Variants in LAMA2 observed in about 807,000 individuals in gnomAD.
The protein encoded by LAMA2 is laminin subunit alpha 2, also known as laminin subunit alpha-2.
LAMA2 carries 269 observed loss-of-function variants against 364.8 expected under a neutral mutation model. The ratio of observed to expected loss-of-function variants is 0.74; its 90% confidence interval spans 0.67 to 0.82. LAMA2 has a LOEUF of 0.82. Ranked by LOEUF, LAMA2 falls within the 40% of genes least tolerant of loss-of-function variation. The pLI, the probability that LAMA2 is intolerant of heterozygous loss-of-function variation, is 0.00. For synonymous variants in LAMA2, 1,379 were observed against 1,370.6 expected, an observed-to-expected ratio of 1.01 and a Z score of -0.14; for missense variants, 3,807 against 3,873.2, an observed-to-expected ratio of 0.98 and a Z score of 0.45.
intron 33 of LAMA2, 48 bp downstream of exon 33, chr6:129,366,409 G>C (rs1465313404): frequency 3.1e-6 from 5 of 1,604,850 alleles, no homozygotes; most frequent in Non-Finnish European, 4.3e-6. Flanking sequence ...GGTGACAGAA[G>C]CTTCACAAGC....
intron 34 of LAMA2, among the ~76,000 whole-genome samples, chr6:129,379,926 C>T (rs930761939): frequency 1.3e-5 from 2 of 152,134 alleles, no homozygotes; most frequent in Non-Finnish European, 2.9e-5. Flanking sequence ...GTTTGATTGT[C>T]ATTGTATCCA....
intron 13 of LAMA2, among the ~76,000 whole-genome samples, chr6:129,251,002 TTCTG>T (rs1562378813): frequency 8.1e-6 from 1 of 123,378 alleles, no homozygotes; most frequent in African/African-American, 3.1e-5. Flanking sequence ...CTCTCTCTCT[TTCTG>T]TCTCTCTCTT....
chr6:129,364,322 G>A (rs1250746450), intron 32 of LAMA2, among the ~76,000 whole-genome samples: 1 of 152,028 alleles, frequency 6.6e-6, no homozygotes, highest in African/African-American at 2.4e-5. Context: ...AGACCTAATT[G>A]AATTCTTGCC....
intron 4 of LAMA2, among the ~76,000 whole-genome samples, chr6:129,141,919 C>A (rs573566899): frequency 1.4e-3 from 209 of 152,072 alleles, no homozygotes; most frequent in African/African-American, 4.8e-3. Flanking sequence ...TCAAAATCTA[C>A]CACTCAATTT....
At position 129,456,405 on chromosome 6, in the gene LAMA2, C is replaced by A. The variant is rs1450811716; in HGVS notation, c.6778C>A (p.His2260Asn). 3.1e-6 allele frequency: 5 copies of A among 1,613,294 alleles called. No homozygotes were observed. The highest frequency in any genetic ancestry group is 4.2e-6 in the Non-Finnish European group (5 of 1,179,454). Residue 2260 changes from histidine to asparagine, a missense_variant, in exon 48 of 65, where the codon CAC becomes AAC. Around this residue, in one of 3 missense-constraint regions of LAMA2, gnomAD observed 3,333 missense variants for 3,345.7 expected, o/e 1.00. Transcript: ENST00000421865. ...GPKASIVPST[H>N]HSTSPPGYTI... Reference sequence around the variant, plus strand: ...CAAAGCCAGCATTGTGCCCAGCACACACCATTCGACGTCTCCTCCAGGGTA... The same window carrying A: ...CAAAGCCAGCATTGTGCCCAGCACAAACCATTCGACGTCTCCTCCAGGGTA...
At chr6:129,181,467 A>AATATAATAT (rs1172101207) in intron 10 of LAMA2, among the ~76,000 whole-genome samples, 10 of 152,136 alleles carry the variant, frequency 6.6e-5, no homozygotes, top group Middle Eastern at 3.4e-3. Flanking sequence ...GAATAGAAAA[A>AATATAATAT]AGTAATATAA....
chr6:128,902,663 C>G (rs17723027), intron 1 of LAMA2, among the ~76,000 whole-genome samples: 19,759 of 152,032 alleles, frequency 0.13, 1,630 homozygotes, highest in African/African-American at 0.23. Flanking sequence ...GTGCGCTACG[C>G]AAAGTGGAGG....
intron 1 of LAMA2, among the ~76,000 whole-genome samples, chr6:128,917,706 T>TTTCTTTCTTTCTTTCTTTC (rs1554322938): frequency 9.1e-5 from 9 of 98,386 alleles, no homozygotes; most frequent in African/African-American, 3.6e-4. Flanking sequence ...TTTCTTTTTT[T>TTTCTTTCTTTCTTTCTTTC]TTTCTTTCTT....
intron 28 of LAMA2, among the ~76,000 whole-genome samples, chr6:129,326,858 C>G (rs1775337121): frequency 6.7e-6 from 1 of 148,234 alleles, no homozygotes; most frequent in South Asian, 2.1e-4. Flanking sequence ...CAGTGGTCAG[C>G]TTGCTAAAGA....
chr6:129,040,184 A>G (rs921223875), intron 1 of LAMA2, among the ~76,000 whole-genome samples: 1 of 152,198 alleles, frequency 6.6e-6, no homozygotes, highest in Non-Finnish European at 1.5e-5. Context: ...GTTGACATTT[A>G]TCTACCTAGA....
At chr6:129,286,363 A>C (rs992165357) in intron 18 of LAMA2, among the ~76,000 whole-genome samples, 3 of 151,232 alleles carry the variant, frequency 2.0e-5, no homozygotes, top group Non-Finnish European at 2.9e-5. Context: ...AATGTCATTG[A>C]AAGAGAAGAC....
intron 8 of LAMA2, among the ~76,000 whole-genome samples, chr6:129,159,300 A>G (rs778156313): frequency 5.9e-5 from 9 of 152,192 alleles, no homozygotes; most frequent in Non-Finnish European, 1.0e-4. Flanking sequence ...ATAAAACTGT[A>G]CTTCCGATTT....
chr6:129,106,589 C>T (rs571368125), intron 4 of LAMA2, among the ~76,000 whole-genome samples: 12 of 151,928 alleles, frequency 7.9e-5, no homozygotes, highest in Admixed American at 7.2e-4. Flanking sequence ...AATGTGGGGC[C>T]AATCAGTACC....
chr6:129,499,176 A>G (rs185429741), intron 58 of LAMA2, among the ~76,000 whole-genome samples: 215 of 152,204 alleles, frequency 1.4e-3, no homozygotes, highest in Non-Finnish European at 2.4e-3. Flanking sequence ...CATTTTCCCC[A>G]TTATCTATTT....
chr6:129,251,040 T>TCCTCTC (rs1786157674), intron 13 of LAMA2, among the ~76,000 whole-genome samples: 1 of 61,668 alleles, frequency 1.6e-5, no homozygotes, highest in East Asian at 3.3e-4. Flanking sequence ...GTCTCTCTCT[T>TCCTCTC]TCTCTCTCTC....
intron 28 of LAMA2, among the ~76,000 whole-genome samples, chr6:129,326,745 T>TA (rs1562462285): frequency 2.2e-4 from 32 of 142,620 alleles, no homozygotes; most frequent in Admixed American, 2.2e-4. Context: ...TTATATATTA[T>TA]ATATATAATT....
chr6:129,486,984 A>G (rs1346908834), intron 56 of LAMA2, among the ~76,000 whole-genome samples: 1 of 152,250 alleles, frequency 6.6e-6, no homozygotes, highest in South Asian at 2.1e-4. Context: ...CACTGGAGCC[A>G]GCAGGCTTTG....
intron 1 of LAMA2, among the ~76,000 whole-genome samples, chr6:128,977,700 G>A (rs1414391442): frequency 6.6e-6 from 1 of 152,178 alleles, no homozygotes; most frequent in Non-Finnish European, 1.5e-5. Context: ...ACCTGAATCA[G>A]GTTTCGGTTG....
Position 129,421,771 on chromosome 6 carries a change from A to C in LAMA2, c.5866-5981A>C, listed in dbSNP as rs150019607. Among the ~76,000 whole-genome samples, 526 of 152,194 alleles carry C rather than the reference A, an allele frequency of 3.5e-3. 6 individuals carry two copies. Among genetic ancestry groups the C allele is most frequent in the African/African-American group, 0.012 (510 of 41,482 alleles). ...AGCTCTTTACTTTAATATTTTAGAG[A>C]GCTTCTTGAAACATTGAGGCATGTC... On this transcript the variant is annotated intron_variant, in intron 40 of 64. Coordinates refer to ENST00000421865, the MANE Select transcript of LAMA2 (RefSeq NM_000426.4).
Sources: gnomAD v4.1 joint callset for allele counts (sites outside exome capture counted in the v4.1 genomes callset) on GRCh38, gnomAD v4.1.1 for gene constraint, gnomAD v4.1.1 regional missense constraint, MANE v1.5 for transcripts, NCBI Gene and HGNC (gene_info 2026-07-23, HGNC 2026-07-21) for gene names.